Variants in IL23R observed in about 807,000 individuals in gnomAD.
IL23R encodes interleukin-23 receptor.
IL23R carries 34 observed loss-of-function variants against 56.9 expected under a neutral mutation model. The ratio of observed to expected loss-of-function variants is 0.60; its 90% CI spans 0.45 to 0.80. The LOEUF is 0.80. Ranked by LOEUF, IL23R falls within the 30% of genes least tolerant of loss-of-function variation. The pLI is 0.00. For synonymous variants in IL23R, 230 were observed against 249.2 expected, an observed-to-expected ratio of 0.92 and a Z score of 0.73; for missense variants, 635 against 730.0, an observed-to-expected ratio of 0.87 and a Z score of 1.50.
intron 1 of IL23R, among the ~76,000 whole-genome samples, chr1:67,154,461 T>G (rs4655685): frequency 0.31 from 46,908 of 152,024 alleles, 7,831 homozygotes; most frequent in Admixed American, 0.46. Flanking sequence ...TGCATATATA[T>G]TTAGGATAGT....
At chr1:67,243,722 G>A (rs1446248337) in intron 9 of IL23R, among the ~76,000 whole-genome samples, 1 of 152,122 alleles carries the variant, frequency 6.6e-6, no homozygotes, top group Non-Finnish European at 1.5e-5. Context: ...ATGTGCATTT[G>A]GGTTGGTTCC....
At chr1:67,209,579 C>T (rs565815786) in intron 6 of IL23R, among the ~76,000 whole-genome samples, 21 of 152,114 alleles carry the variant, frequency 1.4e-4, no homozygotes, top group Non-Finnish European at 2.9e-4. Flanking sequence ...TGCCTTTCAC[C>T]ACCCATCATC....
chr1:67,199,526 C>T (rs527681797), intron 4 of IL23R, among the ~76,000 whole-genome samples: 27 of 152,230 alleles, frequency 1.8e-4, no homozygotes, highest in African/African-American at 6.0e-4. Flanking sequence ...ACAGTAGGCA[C>T]AGTGGCTAGG....
At chr1:67,206,739 T>C (rs1234798369) in intron 5 of IL23R, among the ~76,000 whole-genome samples, 171 bp from the exon 6 acceptor site, 1 of 152,022 alleles carries the variant, frequency 6.6e-6, no homozygotes, top group Non-Finnish European at 1.5e-5. Context: ...AGTTTTCTTC[T>C]ATGTAACAAA....
chr1:67,217,851 G>T (rs1359478584), intron 6 of IL23R, among the ~76,000 whole-genome samples: 1 of 151,572 alleles, frequency 6.6e-6, no homozygotes, highest in Non-Finnish European at 1.5e-5. Context: ...TTAATGTTAA[G>T]GTTGGGTTTT....
At chr1:67,262,190 A>G (rs1354449134), downstream of IL23R, among the ~76,000 whole-genome samples, 1 of 152,194 alleles carries the variant, frequency 6.6e-6, no homozygotes, top group Non-Finnish European at 1.5e-5. Context: ...AGGCCATTTG[A>G]AGGATATGGA....
chr1:67,150,321 G>T (rs1646717083), intron 1 of IL23R, among the ~76,000 whole-genome samples: 1 of 141,558 alleles, frequency 7.1e-6, no homozygotes, highest in Non-Finnish European at 1.5e-5. Flanking sequence ...CATTACATAG[G>T]TATACATTTG....
At chr1:67,240,908 G>A (rs1243035440) in intron 9 of IL23R, among the ~76,000 whole-genome samples, 1 of 152,216 alleles carries the variant, frequency 6.6e-6, no homozygotes, top group Non-Finnish European at 1.5e-5. Flanking sequence ...TTATGGATTG[G>A]CATTTGCCTT....
At chr1:67,177,066 C>T (rs1264836888) in intron 3 of IL23R, among the ~76,000 whole-genome samples, 1 of 152,088 alleles carries the variant, frequency 6.6e-6, no homozygotes, top group Non-Finnish European at 1.5e-5. Context: ...TGAATAGTGC[C>T]ACAATAAACA....
intron 1 of IL23R, among the ~76,000 whole-genome samples, chr1:67,154,330 T>C (rs141527244): frequency 4.9e-4 from 74 of 152,320 alleles, no homozygotes; most frequent in African/African-American, 1.7e-3. Flanking sequence ...CTCTGTCTCG[T>C]TGATCTGTCT....
chr1:67,263,966 G>A (rs557619490), downstream of IL23R, among the ~76,000 whole-genome samples: 9 of 152,210 alleles, frequency 5.9e-5, no homozygotes, highest in African/African-American at 2.2e-4. Context: ...TGTGCCCTCT[G>A]CTTCTCCCTC....
Position 67,259,252 on chromosome 1 carries a change from G to GT in IL23R, c.*124_*125insT. On this transcript the variant is annotated 3_prime_UTR_variant, in exon 11 of 11. Coordinates refer to ENST00000347310, the MANE Select transcript of IL23R (RefSeq NM_144701.3). ...TGTATTCACATACAAATCTTCACAT[G>GT]GACACATGTTTTCATTTCCCTTGGA... The GT allele has an allele frequency of 1.1e-6, 1 of 916,672 alleles. No homozygotes were observed. Among genetic ancestry groups the GT allele is most frequent in the Non-Finnish European group, 1.7e-6 (1 of 576,990 alleles). 56.8% of individuals were successfully genotyped at this position (916,672 alleles called of 1,614,324 possible).
At chr1:67,189,323 A>C (rs1267890468) in intron 4 of IL23R, among the ~76,000 whole-genome samples, 1 of 152,108 alleles carries the variant, frequency 6.6e-6, no homozygotes, top group African/African-American at 2.4e-5. Flanking sequence ...CATTTCCTGA[A>C]TCTCCCCTTC....
At position 67,205,937 on chromosome 1, in the gene IL23R, C is replaced by T. The variant is rs192419383; in HGVS notation, c.653-973C>T. On this transcript the variant is annotated intron_variant, in intron 5 of 10. Coordinates refer to ENST00000347310, the MANE Select transcript of IL23R (RefSeq NM_144701.3). ...TTTCTTTCTTTCTTTTTCTTTCTTT[C>T]TTTCTCTTTTTTTTTCTTTCTTTCT... Among the ~76,000 whole-genome samples, 479 of 122,986 alleles carry T rather than the reference C, an allele frequency of 3.9e-3. 1 individual carries two copies. Among genetic ancestry groups the T allele is most frequent in the African/African-American group, 0.013 (453 of 36,038 alleles). The allele number at this position is 122,986 out of a possible 152,430, so 80.7% of individuals were successfully genotyped here.
intron 3 of IL23R, among the ~76,000 whole-genome samples, chr1:67,177,461 G>C (rs190584166): frequency 6.6e-6 from 1 of 151,954 alleles, no homozygotes; most frequent in East Asian, 1.9e-4. Flanking sequence ...TTTTTGATGG[G>C]GTTGTTTGTT....
intron 6 of IL23R, among the ~76,000 whole-genome samples, chr1:67,213,707 T>C (rs577283599): frequency 6.6e-6 from 1 of 152,224 alleles, no homozygotes; most frequent in African/African-American, 2.4e-5. Flanking sequence ...TGTAGTAGGC[T>C]ATACCACCCA....
chr1:67,143,745 C>T (rs1373999735), intron 1 of IL23R, among the ~76,000 whole-genome samples: 1 of 152,090 alleles, frequency 6.6e-6, no homozygotes, highest in Non-Finnish European at 1.5e-5. Context: ...GATGCCTTTG[C>T]ATGTAAAAAA....
chr1:67,200,197 G>A (rs1029291212), intron 4 of IL23R, among the ~76,000 whole-genome samples: 3 of 151,504 alleles, frequency 2.0e-5, no homozygotes, highest in African/African-American at 7.3e-5. Context: ...CTGCCACCAC[G>A]CCCGGCTAAT....
At chr1:67,157,921 A>C (rs1259699579) in intron 1 of IL23R, among the ~76,000 whole-genome samples, 1 of 152,222 alleles carries the variant, frequency 6.6e-6, no homozygotes, top group African/African-American at 2.4e-5. Flanking sequence ...CACACTCAAG[A>C]AATATTTTCT....
Sources: gnomAD v4.1 joint callset for allele counts (sites outside exome capture counted in the v4.1 genomes callset) on GRCh38, gnomAD v4.1.1 for gene constraint, MANE v1.5 for transcripts, NCBI Gene and HGNC (gene_info 2026-07-23, HGNC 2026-07-21) for gene names.